The following NKTR variants were observed in gnomAD, a reference collection of about 807,000 sequenced individuals.
The protein encoded by NKTR is NK-tumor recognition protein.
In NKTR, 67 loss-of-function variants were observed where a neutral mutation model predicts 156.3. The observed-to-expected ratio is 0.43, with a 90% CI of 0.35 to 0.53. The LOEUF (loss-of-function observed/expected upper bound fraction) is 0.53, where lower values mean the gene tolerates loss of function less well. NKTR is among the 20% of genes least tolerant of loss of function. The probability of loss-of-function intolerance (pLI) is 0.01; values close to 1 mark genes in which losing one functional copy is unlikely to be tolerated. For synonymous variants in NKTR, 640 were observed against 596.6 expected, an observed-to-expected ratio of 1.07 and a Z score of -1.06; for missense variants, 1,604 against 1,730.9, an observed-to-expected ratio of 0.93 and a Z score of 1.30.
rs560308143 is a variant in NKTR, at chr3:42,624,885, T to A, written c.374+3369T>A. ...TATACATTAATCAAAAAGACAAAGA[T>A]GTTGTATAAAATAGTCATGAAAAAG... On this transcript the variant is annotated intron_variant, in intron 6 of 16. Transcript: ENST00000232978. 7.4e-4 allele frequency among the ~76,000 whole-genome samples: 112 copies of A among 152,276 alleles called. 1 individual carries two copies. Among genetic ancestry groups the A allele is most frequent in the Admixed American group, 4.6e-4 (7 of 15,288 alleles).
intron 10 of NKTR, 101 bp from the exon 11 acceptor site, chr3:42,634,512 A>C: frequency 1.7e-6 from 1 of 580,260 alleles, no homozygotes. Context: ...GCAAAATGGC[A>C]TGTATCTTTG....
At chr3:42,644,994 G>C (rs1263281944) in intron 16 of NKTR, among the ~76,000 whole-genome samples, 6 of 152,042 alleles carry the variant, frequency 3.9e-5, no homozygotes, top group Admixed American at 3.9e-4. Context: ...GTGTGTGTGT[G>C]TGTTCCCAGC....
intron 2 of NKTR, among the ~76,000 whole-genome samples, chr3:42,612,689 G>A (rs954666780): frequency 3.9e-5 from 6 of 152,040 alleles, no homozygotes; most frequent in African/African-American, 1.5e-4. Flanking sequence ...CCTTTGCTAG[G>A]TATAGAATTC....
At chr3:42,628,534 C>T in intron 6 of NKTR, 1 of 985,362 alleles carries the variant, frequency 1.0e-6, no homozygotes, top group Non-Finnish European at 1.2e-6. Context: ...GAATTGGGCT[C>T]TTTATGTTTT....
chr3:42,630,236 C>G, intron 6 of NKTR: 1 of 1,107,140 alleles, frequency 9.0e-7, no homozygotes, highest in East Asian at 5.0e-5. Context: ...TTGAGAGTAA[C>G]TTTAATTTTT....
chr3:42,609,452 A>G (rs1413087527), intron 2 of NKTR, among the ~76,000 whole-genome samples: 1 of 152,218 alleles, frequency 6.6e-6, no homozygotes, highest in Non-Finnish European at 1.5e-5. Flanking sequence ...TTTGTTCCAG[A>G]AGATTGTGTG....
At chr3:42,617,546 T>G (rs749724754) in intron 2 of NKTR, 24 bp from the exon 3 acceptor site, 6 of 1,334,176 alleles carry the variant, frequency 4.5e-6, no homozygotes, top group South Asian at 3.6e-5. Context: ...GCTTACTATT[T>G]TTTTCCTATG....
chr3:42,612,629 A>G (rs1259480245), intron 2 of NKTR, among the ~76,000 whole-genome samples: 1 of 152,154 alleles, frequency 6.6e-6, no homozygotes, highest in East Asian at 1.9e-4. Context: ...TTTTTGACTT[A>G]TATCTCAGGG....
chr3:42,629,438 A>G (rs1247439719), intron 6 of NKTR: 1 of 950,776 alleles, frequency 1.1e-6, no homozygotes, highest in Non-Finnish European at 1.3e-6. Context: ...AGCATTACAA[A>G]TCCTTGTAGA....
At chr3:42,633,770 C>G (rs773302065) in intron 10 of NKTR, 35 bp downstream of exon 10, 3 of 1,611,704 alleles carry the variant, frequency 1.9e-6, no homozygotes, top group Non-Finnish European at 2.5e-6. Flanking sequence ...ATTTTTATTT[C>G]TCCGATAACA....
At chr3:42,610,077 C>CT (rs1173865232) in intron 2 of NKTR, among the ~76,000 whole-genome samples, 1 of 152,080 alleles carries the variant, frequency 6.6e-6, no homozygotes, top group African/African-American at 2.4e-5. Flanking sequence ...GCAATCTCGG[C>CT]TCACTGCAAC....
intron 2 of NKTR, 69 bp downstream of exon 2, chr3:42,601,133 C>T (rs1406753805): frequency 2.3e-6 from 3 of 1,293,304 alleles, no homozygotes; most frequent in South Asian, 1.4e-5. Flanking sequence ...GGTCTACCCT[C>T]AGCAACCCTC....
chr3:42,639,706 T>C lies in NKTR; in HGVS notation c.4002T>C (p.Tyr1334=), dbSNP rs1215994109. The change falls in exon 13 of 17, where the codon TAT becomes TAC. Residue 1334 remains tyrosine, a synonymous_variant. Coordinates refer to ENST00000232978, the MANE Select transcript of NKTR (RefSeq NM_005385.4). ...GACACAGAACAAGGTCTGTCTCCTA[T>C]AGTCACTCAAGAAGTCGATCGAGAA... is the stretch of plus-strand genomic sequence containing the variant. ...KSRHRTRSVS[Y]SHSRSRSRSS... is the part of the protein sequence containing the mutation. The C allele has an allele frequency of 1.9e-6, 3 of 1,612,832 alleles. No homozygotes were observed. Among genetic ancestry groups the C allele is most frequent in the South Asian group, 1.1e-5 (1 of 90,810 alleles).
intron 6 of NKTR, chr3:42,628,960 C>A: frequency 2.6e-6 from 1 of 380,112 alleles, no homozygotes; most frequent in Non-Finnish European, 3.6e-6. Flanking sequence ...CGAGATCATG[C>A]CATCGCACTC....
chr3:42,619,142 T>C lies in NKTR; in HGVS notation c.241+15T>C. 2 of 1,595,810 alleles carry C rather than the reference T, an allele frequency of 1.3e-6. No homozygotes were observed. Among genetic ancestry groups the C allele is most frequent in the Non-Finnish European group, 1.7e-6 (2 of 1,174,484 alleles). On this transcript the variant is annotated intron_variant, in intron 4 of 16. Transcript: ENST00000232978. Reference sequence around the variant, plus strand: ...CTTCAGTGAAGGTAGAGCTAAAAGTTGTGTTCCTAATAACTCCATCTATCA... The same window carrying C: ...CTTCAGTGAAGGTAGAGCTAAAAGTCGTGTTCCTAATAACTCCATCTATCA...
chr3:42,619,600 A>G, intron 4 of NKTR, 64 bp from the exon 5 acceptor site: 3 of 1,596,512 alleles, frequency 1.9e-6, no homozygotes, highest in Non-Finnish European at 2.6e-6. Flanking sequence ...AGCTATCAAA[A>G]ATGATTTCTG....
Position 42,637,652 on chromosome 3 carries a change from T to C in NKTR, c.1948T>C (p.Tyr650His). 1 of 1,612,532 alleles carries C rather than the reference T, an allele frequency of 6.2e-7. No individual in the cohort carries two copies. Among genetic ancestry groups the C allele is most frequent in the Non-Finnish European group, 8.5e-7 (1 of 1,179,672 alleles). Reference protein sequence around the residue: ...TTHLLPIQSTYSLANIKETGS... With the variant: ...TTHLLPIQSTHSLANIKETGS... ...CCATTTGCTACCCATCCAAAGCACTTACAGTTTAGCAAATATTAAAGAGAC... is the reference window on the plus strand; with the variant it reads ...CCATTTGCTACCCATCCAAAGCACTCACAGTTTAGCAAATATTAAAGAGAC... Residue 650 changes from tyrosine to histidine, a missense_variant, in exon 13 of 17, where the codon TAC becomes CAC. Tyr to His is a moderately conservative substitution (Grantham distance 83). Coordinates refer to ENST00000232978, the MANE Select transcript of NKTR (RefSeq NM_005385.4).
intron 8 of NKTR, among the ~76,000 whole-genome samples, chr3:42,631,928 T>C (rs1306424733): frequency 2.6e-5 from 4 of 152,182 alleles, no homozygotes; most frequent in Non-Finnish European, 5.9e-5. Flanking sequence ...TGTTAAGATA[T>C]CTGCATGACA....
chr3:42,636,169 T>G (rs371613477), intron 12 of NKTR, among the ~76,000 whole-genome samples: 61 of 152,310 alleles, frequency 4.0e-4, no homozygotes, highest in African/African-American at 1.4e-3. Flanking sequence ...CTGTGTAATC[T>G]TCCATGGTAG....
Sources: gnomAD v4.1 joint callset for allele counts (sites outside exome capture counted in the v4.1 genomes callset) on GRCh38, gnomAD v4.1.1 for gene constraint, MANE v1.5 for transcripts, NCBI Gene and HGNC (gene_info 2026-07-23, HGNC 2026-07-21) for gene names.